The following GPM6A variants were observed in gnomAD, a reference collection of about 807,000 sequenced individuals.
GPM6A encodes neuronal membrane glycoprotein M6-a.
A neutral mutation model predicts 32.1 loss-of-function variants in GPM6A; 7 were observed. The ratio of observed to expected loss-of-function variants is 0.22; its 90% CI spans 0.12 to 0.41. The LOEUF (loss-of-function observed/expected upper bound fraction) is 0.41. Among genes scored for constraint, GPM6A ranks in the 10% least tolerant of loss-of-function variants. The pLI, the probability that GPM6A is intolerant of heterozygous loss-of-function variation, is 1.00. For synonymous variants in GPM6A, 130 were observed against 123.4 expected, an observed-to-expected ratio of 1.05 and a Z score of -0.35; for missense variants, 235 against 347.2, an observed-to-expected ratio of 0.68 and a Z score of 2.57.
chr4:175,981,613 A>G (rs1740817823), intron 1 of GPM6A, among the ~76,000 whole-genome samples: 1 of 152,176 alleles, frequency 6.6e-6, no homozygotes, highest in African/African-American at 2.4e-5. Context: ...GCTGCACCAG[A>G]GTTCGCCCAT....
At chr4:175,871,949 C>A (rs17062192) in intron 1 of GPM6A, among the ~76,000 whole-genome samples, 3,840 of 152,234 alleles carry the variant, frequency 0.025, 148 homozygotes, top group African/African-American at 0.085. Flanking sequence ...TTATCTCTGA[C>A]ATATGCATTC....
At chr4:175,961,639 G>T (rs549541025) in intron 1 of GPM6A, among the ~76,000 whole-genome samples, 189 of 152,268 alleles carry the variant, frequency 1.2e-3, no homozygotes, top group Non-Finnish European at 2.5e-3. Context: ...ACCTTCAGGA[G>T]CCCTACCAGG....
intron 1 of GPM6A, among the ~76,000 whole-genome samples, chr4:175,880,953 C>T (rs549971126): frequency 7.2e-5 from 11 of 152,042 alleles, no homozygotes; most frequent in South Asian, 2.1e-4. Context: ...AGGGCATCCC[C>T]GTCTTGTGCC....
chr4:175,922,331 C>T (rs1431973232), intron 1 of GPM6A, among the ~76,000 whole-genome samples: 1 of 152,164 alleles, frequency 6.6e-6, no homozygotes. Flanking sequence ...TGTCAGCAAT[C>T]AGTCCACATT....
chr4:175,822,429 T>C (rs540432615), intron 1 of GPM6A, among the ~76,000 whole-genome samples: 1 of 152,290 alleles, frequency 6.6e-6, no homozygotes, highest in Non-Finnish European at 1.5e-5. Flanking sequence ...GAATACTGTA[T>C]AGCAGTTAAT....
chr4:175,974,599 T>C (rs1433777452), intron 1 of GPM6A, among the ~76,000 whole-genome samples: 1 of 152,048 alleles, frequency 6.6e-6, no homozygotes, highest in Non-Finnish European at 1.5e-5. Flanking sequence ...TAGGATAAAA[T>C]CAAAACTATT....
intron 1 of GPM6A, among the ~76,000 whole-genome samples, chr4:175,849,752 T>C (rs528668979): frequency 1.3e-5 from 2 of 152,286 alleles, no homozygotes; most frequent in South Asian, 2.1e-4. Context: ...TTGTCTGATA[T>C]GAAAGAGAAG....
chr4:175,968,631 A>G (rs768035308), intron 1 of GPM6A, among the ~76,000 whole-genome samples: 12 of 152,200 alleles, frequency 7.9e-5, no homozygotes, highest in African/African-American at 2.7e-4. Flanking sequence ...CTGACCTAAC[A>G]TCTCACCAAA....
chr4:175,819,436 C>A (rs1212428546), intron 1 of GPM6A, among the ~76,000 whole-genome samples: 1 of 152,106 alleles, frequency 6.6e-6, no homozygotes, highest in Non-Finnish European at 1.5e-5. Flanking sequence ...GAGAGACAAA[C>A]AATTGGAACA....
intron 1 of GPM6A, among the ~76,000 whole-genome samples, chr4:175,972,500 G>C (rs1474171275): frequency 6.6e-6 from 1 of 152,080 alleles, no homozygotes; most frequent in Non-Finnish European, 1.5e-5. Context: ...TACTACCTTG[G>C]ACAAGCCAAT....
Position 175,651,841 on chromosome 4 carries a change from A to T in GPM6A, c.534T>A (p.Arg178=). The T allele has an allele frequency of 6.2e-7, 1 of 1,612,464 alleles. No homozygotes were observed. The highest frequency in any genetic ancestry group is 8.5e-7 in the Non-Finnish European group (1 of 1,179,098). The change falls in exon 4 of 7, where the codon CGT becomes CGA. Residue 178 remains arginine (R), a synonymous_variant. Transcript: ENST00000393658. ...VEGANLCLDL[R]QFGIVTIGEE... The stretch of plus-strand genomic sequence containing the variant: ...GATCCAATATCCACTTACCAAACTG[A>T]CGAAGGTCCAAGCAGAGATTTGCTC...
At chr4:175,932,869 T>G in intron 1 of GPM6A, among the ~76,000 whole-genome samples, 1 of 151,928 alleles carries the variant, frequency 6.6e-6, no homozygotes, top group East Asian at 1.9e-4. Context: ...TAAAAATACC[T>G]AATTAACCTA....
At chr4:175,840,840 C>A (rs1229380196) in intron 1 of GPM6A, among the ~76,000 whole-genome samples, 2 of 151,998 alleles carry the variant, frequency 1.3e-5, no homozygotes, top group Non-Finnish European at 2.9e-5. Context: ...AACAGGAGAA[C>A]GGTAGAAAAT....
At chr4:175,913,918 C>G (rs149768676) in intron 1 of GPM6A, among the ~76,000 whole-genome samples, 3 of 152,144 alleles carry the variant, frequency 2.0e-5, no homozygotes, top group Non-Finnish European at 4.4e-5. Flanking sequence ...TTACTCTTCC[C>G]TCTCACCATT....
chr4:175,818,753 T>C (rs938116590), intron 1 of GPM6A, among the ~76,000 whole-genome samples: 3 of 152,206 alleles, frequency 2.0e-5, no homozygotes, highest in African/African-American at 4.8e-5. Flanking sequence ...GAGATACATA[T>C]CATGTTCATA....
intron 6 of GPM6A, among the ~76,000 whole-genome samples, chr4:175,637,917 G>A (rs1388898397): frequency 7.8e-6 from 1 of 127,814 alleles, no homozygotes; most frequent in Non-Finnish European, 1.6e-5. Flanking sequence ...ATGCATGAAT[G>A]AAATACTGAA....
intron 1 of GPM6A, among the ~76,000 whole-genome samples, chr4:175,923,641 C>T (rs1738742280): frequency 6.6e-6 from 1 of 152,030 alleles, no homozygotes; most frequent in African/African-American, 2.4e-5. Flanking sequence ...GCAGCCTCTG[C>T]CTCCCATGCT....
At chr4:175,727,194 G>T (rs1254283657) in intron 1 of GPM6A, among the ~76,000 whole-genome samples, 1 of 152,102 alleles carries the variant, frequency 6.6e-6, no homozygotes, top group Non-Finnish European at 1.5e-5. Context: ...AAGATAACAT[G>T]TTTGAAATCT....
chr4:175,846,957 AT>A (rs1736110574), intron 1 of GPM6A, among the ~76,000 whole-genome samples: 1 of 152,124 alleles, frequency 6.6e-6, no homozygotes. Context: ...ACAAATAAGA[AT>A]TTTGGAATAT....
Sources: allele counts gnomAD v4.1 joint callset (sites outside exome capture counted in the v4.1 genomes callset), GRCh38; gene constraint gnomAD v4.1.1; transcripts MANE v1.5; gene names NCBI Gene and HGNC (gene_info 2026-07-23, HGNC 2026-07-21).